The following TRIM67 variants were observed in gnomAD, a reference collection of about 807,000 sequenced individuals.
TRIM67 encodes the protein tripartite motif-containing protein 67.
A neutral mutation model predicts 71.0 loss-of-function variants in TRIM67; 39 were observed. The observed-to-expected ratio is 0.55, with a 90% CI of 0.43 to 0.72. The LOEUF (loss-of-function observed/expected upper bound fraction) is 0.72, where lower values mean the gene tolerates loss of function less well. Ranked by LOEUF, TRIM67 falls within the 30% of genes least tolerant of loss-of-function variation. The pLI is 0.00. For missense variants in TRIM67, 973 were observed against 1,079.2 expected, an observed-to-expected ratio of 0.90 and a Z score of 1.38; for synonymous variants, 481 against 473.9, an observed-to-expected ratio of 1.01 and a Z score of -0.19.
At position 231,219,896 on chromosome 1, in the gene TRIM67, G is replaced by C. The variant is rs776162335; in HGVS notation, c.*4456G>C. On this transcript the variant is annotated 3_prime_UTR_variant, in exon 10 of 10. Transcript: ENST00000366653. ...CTGTAAAAATATGAGGGCAGGTTTCGGGCAGGATGTATTGATCAGACACCA... is the reference window on the plus strand; with the variant it reads ...CTGTAAAAATATGAGGGCAGGTTTCCGGCAGGATGTATTGATCAGACACCA... 32 of 1,289,696 alleles carry C rather than the reference G, an allele frequency of 2.5e-5. No homozygotes were observed. In the Middle Eastern group the frequency reaches 8.5e-4, roughly 34 times the overall value. 79.9% of individuals were successfully genotyped at this position (1,289,696 alleles called of 1,614,324 possible). A position where few individuals can be genotyped will look rare whatever the true frequency, so the allele number is the denominator to read the frequency against.
rs751199511 is a variant in TRIM67, at chr1:231,199,121, A to G, written c.1215A>G (p.Lys405=). 79 of 1,613,916 alleles carry G rather than the reference A, an allele frequency of 4.9e-5. No individual in the cohort carries two copies. Among genetic ancestry groups the G allele is most frequent in the Non-Finnish European group, 6.0e-5 (71 of 1,179,906 alleles). Residue 405 remains lysine (K), a synonymous_variant, in exon 3 of 10, where the codon AAA becomes AAG. Coordinates refer to ENST00000366653, the MANE Select transcript of TRIM67 (RefSeq NM_001004342.5). ...DALVDALTRQ[K]AKLLTKVTKE... ...TTGTGGATGCTTTAACTCGTCAGAA[A>G]GCCAAGCTGCTCACCAAGGTGACTA...
chr1:231,187,420 A>G (rs1683113916), intron 1 of TRIM67: 1 of 1,101,192 alleles, frequency 9.1e-7, no homozygotes, highest in Non-Finnish European at 1.3e-6. Flanking sequence ...AGTCATTTAC[A>G]TTTCTCATTT....
At chr1:231,211,596 T>C (rs1448727815) in intron 8 of TRIM67, among the ~76,000 whole-genome samples, 1 of 152,214 alleles carries the variant, frequency 6.6e-6, no homozygotes, top group African/African-American at 2.4e-5. Flanking sequence ...GGGGAAACCC[T>C]GCCTTCTCCG....
At chr1:231,194,472 C>T (rs1683313947) in intron 1 of TRIM67, among the ~76,000 whole-genome samples, 4 of 152,132 alleles carry the variant, frequency 2.6e-5, no homozygotes, top group Admixed American at 2.6e-4. Flanking sequence ...GGGGAAGACA[C>T]ACCAACAAAG....
At chr1:231,199,791 G>T (rs560234863) in intron 3 of TRIM67, among the ~76,000 whole-genome samples, 1 of 152,366 alleles carries the variant, frequency 6.6e-6, no homozygotes, top group African/African-American at 2.4e-5. Context: ...AAGTGAGGGG[G>T]CTAGGACCAT....
Position 231,203,895 on chromosome 1 carries a change from G to T in TRIM67, c.1563G>T (p.Glu521Asp). ...CACCCGTCCCCCTACTGCAGCTGGA[G>T]AAATGCTGCACCCGTAACAACAGCG... ...RVPPVPLLQLEKCCTRNNSVT... is the reference protein window; with the variant it reads ...RVPPVPLLQLDKCCTRNNSVT... The change falls in exon 6 of 10, where the codon GAG becomes GAT. Residue 521 changes from glutamate to aspartate, a missense_variant. Transcript: ENST00000366653. The T allele has an allele frequency of 6.2e-7, 1 of 1,613,888 alleles. No homozygotes were observed. Among genetic ancestry groups the T allele is most frequent in the Non-Finnish European group, 8.5e-7 (1 of 1,179,874 alleles).
intron 1 of TRIM67, among the ~76,000 whole-genome samples, chr1:231,173,318 A>G (rs1682660616): frequency 6.6e-6 from 1 of 152,218 alleles, no homozygotes; most frequent in Non-Finnish European, 1.5e-5. Flanking sequence ...AGGCTGAGGC[A>G]GGTGGATTTC....
At chr1:231,200,541 A>T (rs1683492039) in intron 4 of TRIM67, among the ~76,000 whole-genome samples, 1 of 152,234 alleles carries the variant, frequency 6.6e-6, no homozygotes. Context: ...TTGCCAAACA[A>T]GCTGGACAGA....
Position 231,218,879 on chromosome 1 carries a change from G to A in TRIM67, c.*3439G>A. ...CTTTGCGCCCTTTCTCTCCCTCTTG[G>A]TGCCCCTGCCCTCCGCCCCACCACA... On this transcript the variant is annotated 3_prime_UTR_variant, in exon 10 of 10. Transcript: ENST00000366653. The A allele has an allele frequency of 2.0e-6, 2 of 985,472 alleles. No individual in the cohort carries two copies. Among genetic ancestry groups the A allele is most frequent in the Non-Finnish European group, 2.4e-6 (2 of 829,980 alleles). The allele number at this position is 985,472 out of a possible 1,614,324, so 61.0% of individuals were successfully genotyped here. A position where few individuals can be genotyped will look rare whatever the true frequency, so the allele number is the denominator to read the frequency against.
chr1:231,207,541 C>G (rs1450176003), intron 7 of TRIM67, among the ~76,000 whole-genome samples: 1 of 152,162 alleles, frequency 6.6e-6, no homozygotes, highest in Non-Finnish European at 1.5e-5. Context: ...GAGGCAGTTT[C>G]CAGCTCCCCA....
In TRIM67 at chr1:231,217,167, C is replaced by T; in HGVS notation, c.*1727C>T. On this transcript the variant is annotated 3_prime_UTR_variant, in exon 10 of 10. Transcript: ENST00000366653. ...CCTCAAAGCTCATGCTCTTGGTCTG[C>T]AAGGCTGCTTGGTCCGCTGTCTCTG... 1 of 986,036 alleles carries T rather than the reference C, an allele frequency of 1.0e-6. No homozygotes were observed. The highest frequency in any genetic ancestry group is 1.2e-6 in the Non-Finnish European group (1 of 830,050). 61.1% of individuals were successfully genotyped at this position (986,036 alleles called of 1,614,324 possible).
intron 1 of TRIM67, among the ~76,000 whole-genome samples, chr1:231,180,824 GTTCAAATGTT>G (rs1323491098): frequency 6.6e-6 from 1 of 152,266 alleles, no homozygotes; most frequent in East Asian, 1.9e-4. Flanking sequence ...TTTATCATTT[GTTCAAATGTT>G]TTCTGCTGTC....
At chr1:231,165,608 A>G (rs1040817882) in intron 1 of TRIM67, among the ~76,000 whole-genome samples, 1 of 152,212 alleles carries the variant, frequency 6.6e-6, no homozygotes, top group African/African-American at 2.4e-5. Flanking sequence ...GTTTATGCTG[A>G]GTCCTAAAAT....
intron 1 of TRIM67, among the ~76,000 whole-genome samples, chr1:231,195,228 A>C (rs1419473368): frequency 6.6e-6 from 1 of 152,180 alleles, no homozygotes; most frequent in East Asian, 1.9e-4. Flanking sequence ...GATGGGTGTC[A>C]AACCTGTGCT....
chr1:231,184,991 G>C, intron 1 of TRIM67: 1 of 1,529,698 alleles, frequency 6.5e-7, no homozygotes, highest in Non-Finnish European at 8.7e-7. Flanking sequence ...CTCCTGAATG[G>C]GTGGCCGGCA....
chr1:231,219,474 C>T lies in TRIM67; in HGVS notation c.*4034C>T. On this transcript the variant is annotated 3_prime_UTR_variant, in exon 10 of 10. Transcript: ENST00000366653. ...AAGCTGCCAGCCTTTATCTTGATAC[C>T]CAAGCCCAGGATTTTCCATGTGTCT... 1.9e-6 allele frequency: 2 copies of T among 1,051,734 alleles called. No individual in the cohort carries two copies. Among genetic ancestry groups the T allele is most frequent in the Non-Finnish European group, 2.3e-6 (2 of 870,802 alleles). The allele number at this position is 1,051,734 out of a possible 1,614,324, so 65.2% of individuals were successfully genotyped here. A position where few individuals can be genotyped will look rare whatever the true frequency, so the allele number is the denominator to read the frequency against.
intron 2 of TRIM67, among the ~76,000 whole-genome samples, chr1:231,198,292 C>T (rs1389432021): frequency 2.0e-5 from 3 of 152,172 alleles, no homozygotes; most frequent in African/African-American, 4.8e-5. Flanking sequence ...TAGGGGAGAA[C>T]GTGCACACAC....
At chr1:231,193,413 AG>A (rs1408891220) in intron 1 of TRIM67, among the ~76,000 whole-genome samples, 1 of 150,988 alleles carries the variant, frequency 6.6e-6, no homozygotes, top group Non-Finnish European at 1.5e-5. Flanking sequence ...AGCCTTTGGG[AG>A]GTAATTAGGT....
intron 3 of TRIM67, 147 bp from the exon 4 acceptor site, chr1:231,200,001 C>A (rs1052061495): frequency 4.9e-6 from 3 of 615,504 alleles, no homozygotes; most frequent in Non-Finnish European, 8.8e-6. Flanking sequence ...AGCTTAGCAG[C>A]AGAGCTGAGA....
Sources: gnomAD v4.1 joint callset for allele counts (sites outside exome capture counted in the v4.1 genomes callset) on GRCh38, gnomAD v4.1.1 for gene constraint, MANE v1.5 for transcripts, NCBI Gene and HGNC (gene_info 2026-07-23, HGNC 2026-07-21) for gene names.